SGCZ: variants seen among roughly 807,000 people sequenced by gnomAD.
The protein encoded by SGCZ is sarcoglycan zeta.
A neutral mutation model predicts 41.3 loss-of-function variants in SGCZ; 40 were observed. That is an observed-to-expected ratio of 0.97 (90% CI 0.75 to 1.26). SGCZ has a LOEUF of 1.26. Ranked by LOEUF, SGCZ falls within the 50% of genes most tolerant of loss-of-function variation. SGCZ has a pLI of 0.00. For missense variants in SGCZ, 552 were observed against 369.8 expected (o/e 1.49, Z -4.04); for synonymous variants, 206 against 137.5 (o/e 1.50, Z -3.49).
intron 1 of SGCZ, among the ~76,000 whole-genome samples, chr8:14,696,156 T>C (rs533175619): frequency 2.6e-5 from 4 of 152,250 alleles, no homozygotes; most frequent in African/African-American, 9.6e-5. Context: ...GCTTTCATTA[T>C]ACATGGGTTG....
At chr8:14,766,225 G>A (rs983774916) in intron 1 of SGCZ, among the ~76,000 whole-genome samples, 4 of 152,112 alleles carry the variant, frequency 2.6e-5, no homozygotes, top group African/African-American at 9.7e-5. Flanking sequence ...TTCCCAAAGT[G>A]CTGTGATTAC....
intron 1 of SGCZ, among the ~76,000 whole-genome samples, chr8:15,151,932 A>G (rs1799190658): frequency 6.6e-6 from 1 of 152,234 alleles, no homozygotes; most frequent in Non-Finnish European, 1.5e-5. Context: ...ACATACACTA[A>G]GGGGAAAAAA....
chr8:14,764,751 A>C (rs1271417156), intron 1 of SGCZ, among the ~76,000 whole-genome samples: 2 of 152,210 alleles, frequency 1.3e-5, no homozygotes, highest in East Asian at 3.8e-4. Context: ...AAACAATTAG[A>C]AAAACTTAAA....
intron 1 of SGCZ, among the ~76,000 whole-genome samples, chr8:14,587,588 G>T (rs1266437856): frequency 6.6e-6 from 1 of 152,142 alleles, no homozygotes; most frequent in Non-Finnish European, 1.5e-5. Context: ...GTTTTGCTTA[G>T]CCACACAGTG....
chr8:15,154,933 C>T (rs1799286884), intron 1 of SGCZ, among the ~76,000 whole-genome samples: 1 of 152,074 alleles, frequency 6.6e-6, no homozygotes, highest in Non-Finnish European at 1.5e-5. Flanking sequence ...AATTAATTAA[C>T]AACAATATAT....
At chr8:14,113,107 C>G (rs1802422999) in intron 5 of SGCZ, among the ~76,000 whole-genome samples, 1 of 152,064 alleles carries the variant, frequency 6.6e-6, no homozygotes, top group South Asian at 2.1e-4. Flanking sequence ...CAAAATACAA[C>G]CTATACATTG....
At chr8:14,096,107 C>T (rs190907806) in intron 7 of SGCZ, among the ~76,000 whole-genome samples, 140 of 152,154 alleles carry the variant, frequency 9.2e-4, no homozygotes, top group African/African-American at 2.9e-3. Context: ...CTTTCTTTTT[C>T]CTGACTGCCC....
intron 1 of SGCZ, among the ~76,000 whole-genome samples, chr8:14,696,371 C>A (rs1808963453): frequency 6.6e-6 from 1 of 152,046 alleles, no homozygotes; most frequent in African/African-American, 2.4e-5. Context: ...CTGGGAATTG[C>A]AAGCATGGCA....
intron 2 of SGCZ, among the ~76,000 whole-genome samples, chr8:14,376,599 G>A (rs1363773778): frequency 6.6e-6 from 1 of 151,904 alleles, no homozygotes; most frequent in Non-Finnish European, 1.5e-5. Flanking sequence ...CTTCAAAAAA[G>A]ATACTTCCAA....
chr8:14,296,862 AT>A (rs1306901962), intron 3 of SGCZ, among the ~76,000 whole-genome samples: 1 of 152,216 alleles, frequency 6.6e-6, no homozygotes, highest in African/African-American at 2.4e-5. Context: ...CATTAATTAC[AT>A]TATTTGTAAA....
chr8:14,876,703 T>G (rs1238474913), intron 1 of SGCZ, among the ~76,000 whole-genome samples: 1 of 152,182 alleles, frequency 6.6e-6, no homozygotes, highest in Non-Finnish European at 1.5e-5. Context: ...GTGAGTAACT[T>G]TTATTGGCTT....
chr8:14,668,895 A>G (rs566310070), intron 1 of SGCZ, among the ~76,000 whole-genome samples: 22 of 150,878 alleles, frequency 1.5e-4, no homozygotes, highest in African/African-American at 5.4e-4. Context: ...GCTAATTAAC[A>G]AATCTACCAC....
chr8:15,087,522 A>C (rs894261314), intron 1 of SGCZ, among the ~76,000 whole-genome samples: 15 of 152,246 alleles, frequency 9.9e-5, no homozygotes, highest in Admixed American at 4.6e-4. Context: ...CTGCCAATAG[A>C]CAAAAGCTCA....
At chr8:14,593,202 G>A (rs990609404) in intron 1 of SGCZ, among the ~76,000 whole-genome samples, 24 of 152,208 alleles carry the variant, frequency 1.6e-4, no homozygotes, top group African/African-American at 5.5e-4. Flanking sequence ...AGTTTATCCT[G>A]GATCATCACA....
intron 4 of SGCZ, among the ~76,000 whole-genome samples, chr8:14,236,572 G>A (rs535164929): frequency 6.6e-6 from 1 of 151,556 alleles, no homozygotes; most frequent in Non-Finnish European, 1.5e-5. Context: ...TGCATTTAAA[G>A]ATGATTAATT....
chr8:14,484,366 A>G (rs141668606), intron 2 of SGCZ, among the ~76,000 whole-genome samples: 1 of 152,228 alleles, frequency 6.6e-6, no homozygotes, highest in Non-Finnish European at 1.5e-5. Context: ...TAGTGACCAC[A>G]GCAAGTCATA....
At chr8:14,782,470 T>C (rs1585255847) in intron 1 of SGCZ, among the ~76,000 whole-genome samples, 1 of 152,266 alleles carries the variant, frequency 6.6e-6, no homozygotes, top group East Asian at 1.9e-4. Flanking sequence ...AATGTTTCTT[T>C]CCTCTGCAGT....
intron 1 of SGCZ, among the ~76,000 whole-genome samples, chr8:14,757,001 T>C (rs150805046): frequency 1.8e-4 from 28 of 152,296 alleles, no homozygotes; most frequent in African/African-American, 6.5e-4. Flanking sequence ...CAATCACGTC[T>C]GAATTTTTCC....
chr8:15,189,042 A>G (rs922208369), intron 1 of SGCZ, among the ~76,000 whole-genome samples: 3 of 152,216 alleles, frequency 2.0e-5, no homozygotes, highest in Admixed American at 1.3e-4. Context: ...AACTATTAAA[A>G]GCTTGGTACA....
Sources: gnomAD v4.1 joint callset for allele counts (sites outside exome capture counted in the v4.1 genomes callset) on GRCh38, gnomAD v4.1.1 for gene constraint, MANE v1.5 for transcripts, NCBI Gene and HGNC (gene_info 2026-07-23, HGNC 2026-07-21) for gene names.